The following ADCY8 variants were observed in gnomAD, a reference collection of about 807,000 sequenced individuals.
ADCY8 encodes adenylate cyclase type 8.
ADCY8 carries 51 observed loss-of-function variants against 119.7 expected under a neutral mutation model. The ratio of observed to expected loss-of-function variants is 0.43; its 90% CI spans 0.34 to 0.54. The LOEUF (loss-of-function observed/expected upper bound fraction) is 0.54. Ranked by LOEUF, ADCY8 falls within the 20% of genes least tolerant of loss-of-function variation. ADCY8 has a pLI of 0.03. For missense variants in ADCY8, 1,383 were observed against 1,598.8 expected (o/e 0.87, Z 2.30); for synonymous variants, 665 against 651.0 (o/e 1.02, Z -0.33).
chr8:130,941,267 G>A (rs1820947736), intron 4 of ADCY8, among the ~76,000 whole-genome samples: 1 of 152,144 alleles, frequency 6.6e-6, no homozygotes, highest in African/African-American at 2.4e-5. Context: ...CCTCTCCGTG[G>A]AGGCTGCTAT....
intron 9 of ADCY8, among the ~76,000 whole-genome samples, chr8:130,861,019 T>C (rs897227462): frequency 2.6e-5 from 4 of 152,242 alleles, no homozygotes; most frequent in African/African-American, 9.6e-5. Context: ...CAATTGATTA[T>C]ATTTGTGTGG....
chr8:130,999,403 C>A (rs1279540853), intron 1 of ADCY8, among the ~76,000 whole-genome samples: 1 of 152,142 alleles, frequency 6.6e-6, no homozygotes, highest in Non-Finnish European at 1.5e-5. Context: ...AGCATGGGCA[C>A]TGCTGTTTGA....
intron 13 of ADCY8, 147 bp downstream of exon 13, chr8:130,821,195 G>A (rs1293082158): frequency 5.1e-6 from 3 of 590,778 alleles, no homozygotes; most frequent in Admixed American, 2.9e-5. Flanking sequence ...TTTTCATTAG[G>A]TGGTCTTTAT....
intron 2 of ADCY8, among the ~76,000 whole-genome samples, chr8:130,982,012 T>G (rs549064822): frequency 2.0e-5 from 3 of 152,348 alleles, no homozygotes; most frequent in South Asian, 4.1e-4. Context: ...GATATAGACT[T>G]AGAGCTAGGA....
intron 2 of ADCY8, among the ~76,000 whole-genome samples, chr8:130,963,917 A>G (rs748153301): frequency 5.3e-5 from 8 of 152,196 alleles, no homozygotes; most frequent in Non-Finnish European, 1.0e-4. Flanking sequence ...AATTCTAGAA[A>G]TAAGAAATAA....
intron 11 of ADCY8, among the ~76,000 whole-genome samples, chr8:130,847,187 T>A (rs1477071624): frequency 6.9e-6 from 1 of 145,046 alleles, no homozygotes; most frequent in East Asian, 2.0e-4. Context: ...GAGGAAGGGG[T>A]GAAGATGAAA....
chr8:130,958,964 C>T (rs1167588933), intron 2 of ADCY8, among the ~76,000 whole-genome samples: 2 of 152,048 alleles, frequency 1.3e-5, no homozygotes, highest in Non-Finnish European at 2.9e-5. Flanking sequence ...AATCCCAGCA[C>T]CTAGAATAAC....
intron 9 of ADCY8, among the ~76,000 whole-genome samples, chr8:130,865,755 C>T (rs1241804557): frequency 6.6e-6 from 1 of 152,078 alleles, no homozygotes; most frequent in Non-Finnish European, 1.5e-5. Context: ...AATTCCTTCC[C>T]ACTTTAACCT....
At chr8:130,925,039 CAAA>C (rs71304400) in intron 5 of ADCY8, among the ~76,000 whole-genome samples, 7 of 137,386 alleles carry the variant, frequency 5.1e-5, no homozygotes, top group Middle Eastern at 3.6e-3. Flanking sequence ...ACTAAAAATA[CAAA>C]AAAAAAAAAA....
chr8:130,893,767 T>C (rs1779753681), intron 7 of ADCY8, among the ~76,000 whole-genome samples: 1 of 150,792 alleles, frequency 6.6e-6, no homozygotes, highest in Non-Finnish European at 1.5e-5. Context: ...TGCATGTTTA[T>C]GTGTGTGTGT....
At chr8:131,016,729 T>G (rs7004104) in intron 1 of ADCY8, among the ~76,000 whole-genome samples, 3,700 of 151,850 alleles carry the variant, frequency 0.024, 48 homozygotes, top group East Asian at 0.056. Flanking sequence ...GAGACAGGGA[T>G]GAAGAAGGTG....
chr8:130,957,193 A>T (rs1392497932), intron 2 of ADCY8, among the ~76,000 whole-genome samples: 1 of 152,176 alleles, frequency 6.6e-6, no homozygotes, highest in African/African-American at 2.4e-5. Flanking sequence ...AATGACATGG[A>T]CAATAAGGTC....
chr8:130,884,554 C>T lies in ADCY8; in HGVS notation c.2109+10G>A. 1 of 1,613,412 alleles carries T rather than the reference C, an allele frequency of 6.2e-7. No homozygotes were observed. Among genetic ancestry groups the T allele is most frequent in the Non-Finnish European group, 8.5e-7 (1 of 1,179,684 alleles). ...TCAGAAAAAGAGCCGCTGTGGAGACCCAGCTCTACCTTGTGCTCCAGGCTG... is the reference window on the plus strand; with the variant it reads ...TCAGAAAAAGAGCCGCTGTGGAGACTCAGCTCTACCTTGTGCTCCAGGCTG... On this transcript the variant is annotated intron_variant, in intron 8 of 17. Coordinates refer to ENST00000286355, the MANE Select transcript of ADCY8 (RefSeq NM_001115.3).
intron 5 of ADCY8, among the ~76,000 whole-genome samples, chr8:130,911,584 T>G (rs1003502569): frequency 3.8e-5 from 4 of 105,540 alleles, no homozygotes; most frequent in Non-Finnish European, 7.0e-5. Flanking sequence ...AAGTCTAAAT[T>G]AAATTGTAAT....
chr8:130,981,604 G>T (rs1392549246), intron 2 of ADCY8, among the ~76,000 whole-genome samples: 1 of 152,152 alleles, frequency 6.6e-6, no homozygotes, highest in Non-Finnish European at 1.5e-5. Flanking sequence ...GGTCCCTGAT[G>T]GTGATTGATT....
chr8:130,846,885 CCCTTTCCTTCCTT>C lies in ADCY8; in HGVS notation c.2502+526_2502+538del, dbSNP rs1376434468. On this transcript the variant is annotated intron_variant, in intron 11 of 17. Transcript: ENST00000286355. ...CCCCTCCCTTCCCTTCCCTTCCCTTCCCTTTCCTTCCTTCCTTCCTTCCTTCCTTCCTTCCTTC... is the reference window on the plus strand; with the variant it reads ...CCCCTCCCTTCCCTTCCCTTCCCTTCCCTTCCTTCCTTCCTTCCTTCCTTC... Among the ~76,000 whole-genome samples the C allele has an allele frequency of 5.4e-3, 95 of 17,670 alleles. 3 individuals carry two copies. Among genetic ancestry groups the C allele is most frequent in the African/African-American group, 7.2e-3 (27 of 3,728 alleles). 11.6% of individuals were successfully genotyped at this position (17,670 alleles called of 152,430 possible). A position where few individuals can be genotyped will look rare whatever the true frequency, so the allele number is the denominator to read the frequency against.
intron 5 of ADCY8, among the ~76,000 whole-genome samples, chr8:130,929,059 GT>G (rs1180202161): frequency 1.3e-5 from 2 of 151,564 alleles, no homozygotes; most frequent in African/African-American, 2.4e-5. Flanking sequence ...TATTTTATTT[GT>G]TTTTTTCTTA....
rs543037724 is a variant in ADCY8, at chr8:130,945,661, G to T, written c.1242-2199C>A. On this transcript the variant is annotated intron_variant, in intron 3 of 17. Transcript: ENST00000286355. ...TTACAAAATTATACTATAATTGCATGTTATATTTGAGAGAGAAAGAGAAGA... is the reference window on the plus strand; with the variant it reads ...TTACAAAATTATACTATAATTGCATTTTATATTTGAGAGAGAAAGAGAAGA... Among the ~76,000 whole-genome samples the T allele has an allele frequency of 3.3e-5, 5 of 152,326 alleles. No homozygotes were observed. The East Asian group carries it at 9.6e-4, about 29-fold the overall frequency.
intron 2 of ADCY8, among the ~76,000 whole-genome samples, chr8:130,981,257 T>C (rs1056790756): frequency 2.0e-5 from 3 of 152,260 alleles, no homozygotes; most frequent in African/African-American, 7.2e-5. Flanking sequence ...CAATCTATTT[T>C]GGGTGTGACT....
Sources: allele counts gnomAD v4.1 joint callset (sites outside exome capture counted in the v4.1 genomes callset), GRCh38; gene constraint gnomAD v4.1.1; transcripts MANE v1.5; gene names NCBI Gene and HGNC (gene_info 2026-07-23, HGNC 2026-07-21).